The following UNC5A variants were observed in gnomAD, a reference collection of about 807,000 sequenced individuals.
UNC5A encodes the protein netrin receptor UNC5A.
In UNC5A, 20 loss-of-function variants were observed where a neutral mutation model predicts 87.4. That is an observed-to-expected ratio of 0.23 (90% CI 0.16 to 0.33). The LOEUF (loss-of-function observed/expected upper bound fraction) is 0.33. Among genes scored for constraint, UNC5A ranks in the 10% least tolerant of loss-of-function variants. The pLI is 1.00. For synonymous variants in UNC5A, 438 were observed against 482.3 expected, an observed-to-expected ratio of 0.91 and a Z score of 1.20; for missense variants, 844 against 1,133.4, an observed-to-expected ratio of 0.74 and a Z score of 3.67.
At chr5:176,867,853 G>A (rs1758012186) in intron 2 of UNC5A, among the ~76,000 whole-genome samples, 1 of 152,046 alleles carries the variant, frequency 6.6e-6, no homozygotes, top group Middle Eastern at 3.2e-3. Flanking sequence ...CGGGGAGTCA[G>A]GCCTCAGGTA....
Position 176,853,071 on chromosome 5 carries a change from G to T in UNC5A, c.71-9553G>T, listed in dbSNP as rs73804246. On this transcript the variant is annotated intron_variant, in intron 1 of 14. Coordinates refer to ENST00000329542, the MANE Select transcript of UNC5A (RefSeq NM_133369.3). Reference sequence around the variant, plus strand: ...GACTCCGCGGGAGCAGAGATGGGACGGGTTAGAGCAGGCAGCTGTGGGAAG... The same window carrying T: ...GACTCCGCGGGAGCAGAGATGGGACTGGTTAGAGCAGGCAGCTGTGGGAAG... 5.3e-5 allele frequency among the ~76,000 whole-genome samples: 8 copies of T among 152,358 alleles called. No individual in the cohort carries two copies. In the East Asian group the frequency reaches 1.5e-3, roughly 29 times the overall value.
intron 1 of UNC5A, among the ~76,000 whole-genome samples, chr5:176,825,005 C>A (rs544914218): frequency 6.6e-6 from 1 of 152,360 alleles, no homozygotes; most frequent in East Asian, 1.9e-4. Context: ...CCATCCCTCT[C>A]CTTCCCTCCC....
chr5:176,878,622 A>C lies in UNC5A; in HGVS notation c.2167A>C (p.Asn723His). Residue 723 changes from asparagine to histidine, a missense_variant, in exon 13 of 15, where the codon AAC (asparagine) becomes CAC (histidine). Around this residue, in one of 3 missense-constraint regions of UNC5A, gnomAD observed 177 missense variants for 279.4 expected, o/e 0.63. Coordinates refer to ENST00000329542, the MANE Select transcript of UNC5A (RefSeq NM_133369.3). ...VEGDGQSFSI[N>H]FNITKDTRFA... ...GGGCGACGGGCAGAGCTTCAGCATCAACTTCAACATCACCAAGGTGGACGG... is the reference window on the plus strand; with the variant it reads ...GGGCGACGGGCAGAGCTTCAGCATCCACTTCAACATCACCAAGGTGGACGG... 1 of 1,612,302 alleles carries C rather than the reference A, an allele frequency of 6.2e-7. No homozygotes were observed. The highest frequency in any genetic ancestry group is 8.5e-7 in the Non-Finnish European group (1 of 1,179,646).
rs554223030 is a variant in UNC5A at position 176,824,364 on chromosome 5, C to G, written c.70+13544C>G. Among the ~76,000 whole-genome samples, 337 of 152,200 alleles carry G rather than the reference C, an allele frequency of 2.2e-3. No individual in the cohort carries two copies. Among genetic ancestry groups the G allele is most frequent in the African/African-American group, 7.4e-3 (309 of 41,516 alleles). On this transcript the variant is annotated intron_variant, in intron 1 of 14. Coordinates refer to ENST00000329542, the MANE Select transcript of UNC5A (RefSeq NM_133369.3). This position sits in a 1 kb window ranked among gnomAD's most constrained non-coding sequence, Gnocchi z 4.2. Reference sequence around the variant, plus strand: ...CAGTCCTGTGAGCTGCTGTTAACAGCCTTCCTGGCCCTAGATCCACAAACT... The same window carrying G: ...CAGTCCTGTGAGCTGCTGTTAACAGGCTTCCTGGCCCTAGATCCACAAACT...
chr5:176,879,320 T>G lies in UNC5A; in HGVS notation c.2195T>G (p.Phe732Cys), dbSNP rs1758355593. 6.2e-7 allele frequency: 1 copy of G among 1,603,348 alleles called. No individual in the cohort carries two copies. Reference protein sequence around the residue: ...INFNITKDTRFAELLALESEA... With the variant: ...INFNITKDTRCAELLALESEA... Reference sequence around the variant, plus strand: ...CCCTCCCACCTCCAGGACACAAGGTTTGCTGAGCTGCTGGCTCTGGAGAGT... The same window carrying G: ...CCCTCCCACCTCCAGGACACAAGGTGTGCTGAGCTGCTGGCTCTGGAGAGT... The change falls in exon 14 of 15, where the codon TTT (phenylalanine) becomes TGT (cysteine). Residue 732 changes from phenylalanine (F) to cysteine (C), a missense_variant. By Grantham distance (205) the Phe-to-Cys change is radical. Transcript: ENST00000329542.
Position 176,844,918 on chromosome 5 carries a change from G to T in UNC5A, c.71-17706G>T, listed in dbSNP as rs1298405223. Among the ~76,000 whole-genome samples, 3 of 152,168 alleles carry T rather than the reference G, an allele frequency of 2.0e-5. No individual in the cohort carries two copies. Among genetic ancestry groups the T allele is most frequent in the Non-Finnish European group, 4.4e-5 (3 of 68,036 alleles). ...AGTTCCACACTTGGGTCTGCAGCAG[G>T]GTGGGTTGGTGGCTCGCAGCTTGCC... On this transcript the variant is annotated intron_variant, in intron 1 of 14. Coordinates refer to ENST00000329542, the MANE Select transcript of UNC5A (RefSeq NM_133369.3). This position sits in a 1 kb window ranked among gnomAD's most constrained non-coding sequence, Gnocchi z 4.2.
intron 6 of UNC5A, among the ~76,000 whole-genome samples, chr5:176,872,412 GCC>G (rs200341987): frequency 1.8e-4 from 1 of 5,490 alleles, no homozygotes; most frequent in African/African-American, 7.2e-4. Flanking sequence ...GCCCACACTC[GCC>G]CCAACACCAC....
chr5:176,847,277 G>A (rs1757432903), intron 1 of UNC5A, among the ~76,000 whole-genome samples: 1 of 152,190 alleles, frequency 6.6e-6, no homozygotes. Context: ...ATTTGGGAGA[G>A]AGACAGGGCT....
At position 176,878,722 on chromosome 5, in the gene UNC5A, C is replaced by T. The variant is rs1758332493; in HGVS notation, c.2184+83C>T. ...AGCCCCCAAAACGCTCCTGCCCTGC[C>T]TGCCCTGCCACCCACTCTCCCTCCC... On this transcript the variant is annotated intron_variant, in intron 13 of 14. Transcript: ENST00000329542. 2.0e-6 allele frequency: 3 copies of T among 1,508,370 alleles called. No homozygotes were observed. The East Asian group carries it at 7.1e-5, about 36-fold the overall frequency. 93.4% of individuals were successfully genotyped at this position (1,508,370 alleles called of 1,614,324 possible).
chr5:176,814,806 T>C (rs933002757), intron 1 of UNC5A, among the ~76,000 whole-genome samples: 6 of 152,190 alleles, frequency 3.9e-5, no homozygotes, highest in Non-Finnish European at 7.3e-5. Flanking sequence ...CTGTTTTTCT[T>C]CATTTCTCCA....
chr5:176,862,805 G>C lies in UNC5A; in HGVS notation c.252G>C (p.Gln84His), dbSNP rs1282233188. The change falls in exon 2 of 15, where the codon CAG (glutamine) becomes CAC (histidine). Residue 84 changes from glutamine to histidine, a missense_variant. Physicochemically the swap from Gln to His is conservative, Grantham distance 24 (BLOSUM62 0). Around this residue, in one of 3 missense-constraint regions of UNC5A, gnomAD observed 314 missense variants for 466.5 expected, o/e 0.67. Transcript: ENST00000329542. ...AGTGCAACGGGGAGTGGGTGCGCCA[G>C]GTGGACCACGTGATCGAGCGCAGCA... ...FFKCNGEWVR[Q>H]VDHVIERSTD... The C allele has an allele frequency of 1.2e-6, 2 of 1,613,278 alleles. No individual in the cohort carries two copies. The highest frequency in any genetic ancestry group is 1.7e-6 in the Non-Finnish European group (2 of 1,179,900).
At chr5:176,861,015 C>A (rs1174129866) in intron 1 of UNC5A, among the ~76,000 whole-genome samples, 11 of 152,156 alleles carry the variant, frequency 7.2e-5, no homozygotes, top group Admixed American at 7.2e-4. Flanking sequence ...GCCCTCCACA[C>A]CCATCTGCCC....
chr5:176,810,995 C>T lies in UNC5A; in HGVS notation c.70+175C>T, dbSNP rs1245330823. ...CTTGCTGCTGCGCAGCTTCCCCGCG[C>T]GCTCTCCCGGAAGCCTGGGTTCTGC... is the stretch of plus-strand genomic sequence containing the variant. On this transcript the variant is annotated intron_variant, in intron 1 of 14. Coordinates refer to ENST00000329542, the MANE Select transcript of UNC5A (RefSeq NM_133369.3). This position sits in a 1 kb window ranked among gnomAD's most constrained non-coding sequence, Gnocchi z 7.3. 6.6e-6 allele frequency among the ~76,000 whole-genome samples: 1 copy of T among 152,092 alleles called. No individual in the cohort carries two copies. Among genetic ancestry groups the T allele is most frequent in the African/African-American group, 2.4e-5 (1 of 41,436 alleles).
chr5:176,877,475 T>A, intron 9 of UNC5A, 60 bp from the exon 10 acceptor site: 1 of 1,536,148 alleles, frequency 6.5e-7, no homozygotes, highest in South Asian at 1.2e-5. Flanking sequence ...GGCCTAGCCC[T>A]CAGGACCCAG....
At chr5:176,876,155 G>A (rs1036979845) in intron 8 of UNC5A, among the ~76,000 whole-genome samples, 1 of 152,230 alleles carries the variant, frequency 6.6e-6, no homozygotes, top group Non-Finnish European at 1.5e-5. Context: ...AGCATTAGGA[G>A]TTGATGAATG....
chr5:176,856,524 A>G (rs999812204), intron 1 of UNC5A, among the ~76,000 whole-genome samples: 12 of 152,212 alleles, frequency 7.9e-5, no homozygotes, highest in African/African-American at 2.9e-4. Flanking sequence ...CAGGGAGTTT[A>G]TGGTCTAACA....
rs374781176 is a variant in UNC5A, at chr5:176,873,963, C to T, written c.887-5C>T. ...CCCCCACCAAGGCCATGCTGTCTCC[C>T]GCAGCTGCTTCTGGCCCTGAGGACG... On this transcript the variant is annotated splice_region_variant and splice_polypyrimidine_tract_variant and intron_variant, in intron 6 of 14. Transcript: ENST00000329542. The T allele has an allele frequency of 3.2e-5, 52 of 1,611,918 alleles. No individual in the cohort carries two copies. The highest frequency in any genetic ancestry group is 4.5e-5 in the East Asian group (2 of 44,838).
At chr5:176,863,121 C>T (rs560862623) in intron 2 of UNC5A, among the ~76,000 whole-genome samples, 3 of 152,368 alleles carry the variant, frequency 2.0e-5, no homozygotes, top group Admixed American at 1.3e-4. Context: ...CACCCACTCC[C>T]GTGCTGGGGA....
rs111985841 is a variant in UNC5A, at chr5:176,869,396, G to A, written c.721+432G>A. Among the ~76,000 whole-genome samples, 1,047 of 152,190 alleles carry A rather than the reference G, an allele frequency of 6.9e-3. 5 individuals carry two copies. The highest frequency in any genetic ancestry group is 0.024 in the African/African-American group (988 of 41,516). ...AGCCGCGGTTCAGCCTGGCTACCCC[G>A]AGTGCCCCCTGGGAGAAGGGAAGAC... On this transcript the variant is annotated intron_variant, in intron 5 of 14. Coordinates refer to ENST00000329542, the MANE Select transcript of UNC5A (RefSeq NM_133369.3). The surrounding 1 kb of genome is among the most constrained non-coding windows in gnomAD (Gnocchi z 9.1).
Sources: allele counts gnomAD v4.1 joint callset (sites outside exome capture counted in the v4.1 genomes callset), GRCh38; gene constraint gnomAD v4.1.1; regional missense constraint gnomAD v4.1.1; non-coding constraint Gnocchi (gnomAD v3.1); transcripts MANE v1.5; gene names NCBI Gene and HGNC (gene_info 2026-07-23, HGNC 2026-07-21).